The following PRKCZ variants were observed in gnomAD, a reference collection of about 807,000 sequenced individuals.
PRKCZ encodes protein kinase C zeta type.
A neutral mutation model predicts 79.5 loss-of-function variants in PRKCZ; 33 were observed. The observed-to-expected ratio is 0.41, with a 90% CI of 0.31 to 0.55. The LOEUF (loss-of-function observed/expected upper bound fraction) is 0.55, where lower values mean the gene tolerates loss of function less well. Among genes scored for constraint, PRKCZ ranks in the 20% least tolerant of loss-of-function variants. The pLI is 0.19. For synonymous variants in PRKCZ, 342 were observed against 320.9 expected, an observed-to-expected ratio of 1.07 and a Z score of -0.70; for missense variants, 578 against 813.5, an observed-to-expected ratio of 0.71 and a Z score of 3.52.
chr1:2,130,802 T>G (rs1205570332), intron 4 of PRKCZ, among the ~76,000 whole-genome samples: 1 of 152,064 alleles, frequency 6.6e-6, no homozygotes, highest in Non-Finnish European at 1.5e-5. Flanking sequence ...GGATAACATT[T>G]GACCAGCCGT....
chr1:2,148,313 A>G lies in PRKCZ; in HGVS notation c.635-559A>G, dbSNP rs374253390. Among the ~76,000 whole-genome samples, 101 of 138,270 alleles carry G rather than the reference A, an allele frequency of 7.3e-4. 2 individuals carry two copies. The East Asian group carries it at 8.9e-3, about 12-fold the overall frequency. The allele number at this position is 138,270 out of a possible 152,430, so 90.7% of individuals were successfully genotyped here. Reference sequence around the variant, plus strand: ...GACCTCTCCATCTATCCATCCATCTATTGTCCACTGACCTCTCCATCTGTC... The same window carrying G: ...GACCTCTCCATCTATCCATCCATCTGTTGTCCACTGACCTCTCCATCTGTC... On this transcript the variant is annotated intron_variant, in intron 7 of 17. Transcript: ENST00000378567.
chr1:2,160,857 CG>C (rs1488814536), intron 10 of PRKCZ, among the ~76,000 whole-genome samples: 49 of 152,008 alleles, frequency 3.2e-4, no homozygotes, highest in Admixed American at 6.5e-5. Flanking sequence ...CCCGCCCCGC[CG>C]GGGGTGATTG....
chr1:2,118,715 G>GTGTGTT (rs1671245796), intron 4 of PRKCZ, among the ~76,000 whole-genome samples: 1 of 136,742 alleles, frequency 7.3e-6, no homozygotes. Context: ...CACCAGCTCT[G>GTGTGTT]TGTGTGTGTG....
chr1:2,170,603 C>T (rs1684239505), intron 11 of PRKCZ, among the ~76,000 whole-genome samples: 1 of 152,248 alleles, frequency 6.6e-6, no homozygotes, highest in South Asian at 2.1e-4. Context: ...GAGCACGCCC[C>T]TCTTCCCTGC....
chr1:2,129,137 C>T (rs1439824681), intron 4 of PRKCZ, among the ~76,000 whole-genome samples: 1 of 152,160 alleles, frequency 6.6e-6, no homozygotes, highest in Non-Finnish European at 1.5e-5. Context: ...AGGCCCCTTA[C>T]ACTGAGGGAA....
At chr1:2,087,233 C>G (rs994804079) in intron 4 of PRKCZ, among the ~76,000 whole-genome samples, 1 of 152,080 alleles carries the variant, frequency 6.6e-6, no homozygotes, top group African/African-American at 2.4e-5. Flanking sequence ...CAGGCACCCA[C>G]CACCACACCC....
In PRKCZ at chr1:2,185,012, C is replaced by T; in HGVS notation, c.*3C>T. The T allele has an allele frequency of 6.2e-7, 1 of 1,610,084 alleles. No individual in the cohort carries two copies. Among genetic ancestry groups the T allele is most frequent in the Non-Finnish European group, 8.5e-7 (1 of 1,177,682 alleles). ...TGTCCACCGAGGAGTCGGTGTGAGGCCGCGTGCGTCTCTGTCGTGGACACG... is the reference window on the plus strand; with the variant it reads ...TGTCCACCGAGGAGTCGGTGTGAGGTCGCGTGCGTCTCTGTCGTGGACACG... On this transcript the variant is annotated 3_prime_UTR_variant, in exon 18 of 18. Coordinates refer to ENST00000378567, the MANE Select transcript of PRKCZ (RefSeq NM_002744.6).
In PRKCZ at chr1:2,172,321, C is replaced by A; in HGVS notation, c.1218C>A (p.Asp406Glu). 1 of 1,613,646 alleles carries A rather than the reference C, an allele frequency of 6.2e-7. No homozygotes were observed. Among genetic ancestry groups the A allele is most frequent in the African/African-American group, 1.3e-5 (1 of 75,072 alleles). Residue 406 changes from aspartate (D) to glutamate (E), a missense_variant, in exon 13 of 18, where the codon GAC (aspartate) becomes GAA (glutamate). Transcript: ENST00000378567. The surrounding 1 kb of genome is among the most constrained non-coding windows in gnomAD (Gnocchi z 7.8). ...CACAGGAAGGCCTGGGCCCTGGTGACACAACGAGCACTTTCTGCGGAACCC... is the reference window on the plus strand; with the variant it reads ...CACAGGAAGGCCTGGGCCCTGGTGAAACAACGAGCACTTTCTGCGGAACCC... ...GMCKEGLGPG[D>E]TTSTFCGTPN...
chr1:2,105,354 G>A (rs935889700), intron 4 of PRKCZ, among the ~76,000 whole-genome samples: 9 of 152,212 alleles, frequency 5.9e-5, no homozygotes, highest in African/African-American at 2.2e-4. Context: ...GGCCCATCCG[G>A]GAGTAGAAGT....
At chr1:2,098,292 T>C (rs1203693939) in intron 4 of PRKCZ, 2 of 152,282 alleles carry the variant, frequency 1.3e-5, no homozygotes, top group Non-Finnish European at 1.5e-5. Context: ...GAATTCATTA[T>C]ACTTAACAAT....
chr1:2,052,419 C>T (rs1659760553), intron 1 of PRKCZ, among the ~76,000 whole-genome samples: 1 of 151,098 alleles, frequency 6.6e-6, no homozygotes, highest in South Asian at 2.1e-4. Context: ...CCCCTCTCTC[C>T]CCACCCCTTC....
chr1:2,095,996 C>G (rs1666439668), intron 4 of PRKCZ, among the ~76,000 whole-genome samples: 1 of 149,660 alleles, frequency 6.7e-6, no homozygotes, highest in African/African-American at 2.5e-5. Flanking sequence ...CAGGGCTGGC[C>G]CCTCACTCTG....
chr1:2,114,839 T>G (rs1670429353), intron 4 of PRKCZ, among the ~76,000 whole-genome samples: 1 of 152,266 alleles, frequency 6.6e-6, no homozygotes, highest in Non-Finnish European at 1.5e-5. Context: ...CCGTTGGGTT[T>G]CAGCTTTTCT....
intron 4 of PRKCZ, among the ~76,000 whole-genome samples, chr1:2,085,515 C>A (rs550182646): frequency 1.3e-5 from 2 of 152,378 alleles, no homozygotes; most frequent in South Asian, 4.1e-4. Flanking sequence ...TTGTTGGTTG[C>A]GTTTTTCACA....
intron 2 of PRKCZ, chr1:2,056,025 C>G (rs1281926458): frequency 5.3e-6 from 1 of 187,192 alleles, no homozygotes. Context: ...ACCCCTTTCT[C>G]CCAGGGACTG....
At position 2,164,947 on chromosome 1, in the gene PRKCZ, G is replaced by A. The variant is rs536826305; in HGVS notation, c.975-4571G>A. Among the ~76,000 whole-genome samples, 20 of 152,294 alleles carry A rather than the reference G, an allele frequency of 1.3e-4. 1 individual carries two copies. In the South Asian group the frequency reaches 3.5e-3, roughly 27 times the overall value. On this transcript the variant is annotated intron_variant, in intron 10 of 17. Transcript: ENST00000378567. Reference sequence around the variant, plus strand: ...CCCCAGGCCGTGTCTCCTGGCTCCAGGAAGGTGAGGGGCTGCCTCCCATGC... The same window carrying A: ...CCCCAGGCCGTGTCTCCTGGCTCCAAGAAGGTGAGGGGCTGCCTCCCATGC...
intron 16 of PRKCZ, among the ~76,000 whole-genome samples, chr1:2,181,074 T>G (rs1355664293): frequency 2.7e-4 from 7 of 26,366 alleles, no homozygotes; most frequent in African/African-American, 1.1e-3. Context: ...CCCCCAGCCC[T>G]GCTGCTTCTC....
intron 4 of PRKCZ, among the ~76,000 whole-genome samples, chr1:2,061,234 C>T (rs553323454): frequency 6.6e-6 from 1 of 152,318 alleles, no homozygotes; most frequent in South Asian, 2.1e-4. Flanking sequence ...CGGGGGAAGC[C>T]CACCGTATTT....
At chr1:2,081,593 G>A (rs1184351115) in intron 4 of PRKCZ, among the ~76,000 whole-genome samples, 1 of 152,212 alleles carries the variant, frequency 6.6e-6, no homozygotes, top group Non-Finnish European at 1.5e-5. Flanking sequence ...AGGTGGTGCT[G>A]GGTCGAGGCG....
Sources: gnomAD v4.1 joint callset for allele counts (sites outside exome capture counted in the v4.1 genomes callset) on GRCh38, gnomAD v4.1.1 for gene constraint, Gnocchi (gnomAD v3.1) non-coding constraint, MANE v1.5 for transcripts, NCBI Gene and HGNC (gene_info 2026-07-23, HGNC 2026-07-21) for gene names.